Variants in SHANK2 observed in about 807,000 individuals in gnomAD.
SHANK2 encodes the protein SH3 and multiple ankyrin repeat domains 2.
In SHANK2, 43 loss-of-function variants were observed where a neutral mutation model predicts 133.7. The observed-to-expected ratio is 0.32, with a 90% CI of 0.25 to 0.41. SHANK2 has a LOEUF of 0.41. Ranked by LOEUF, SHANK2 falls within the 10% of genes least tolerant of loss-of-function variation. The pLI is 1.00. For missense variants in SHANK2, 1,994 were observed against 2,235.8 expected (o/e 0.89, Z 2.18); for synonymous variants, 1,017 against 952.8 (o/e 1.07, Z -1.24).
At chr11:70,902,650 C>T (rs928244125) in intron 10 of SHANK2, among the ~76,000 whole-genome samples, 24 of 151,416 alleles carry the variant, frequency 1.6e-4, no homozygotes, top group Non-Finnish European at 3.1e-4. Context: ...GTGATGAGGG[C>T]ACCACAGGAT....
chr11:70,587,990 A>G (rs2060276336), intron 17 of SHANK2, among the ~76,000 whole-genome samples: 1 of 152,176 alleles, frequency 6.6e-6, no homozygotes, highest in Admixed American at 6.5e-5. Context: ...GATATCTGTC[A>G]TGGTGATCTG....
chr11:70,921,795 A>G (rs1950355307), intron 10 of SHANK2, among the ~76,000 whole-genome samples: 1 of 152,244 alleles, frequency 6.6e-6, no homozygotes, highest in Admixed American at 6.5e-5. Context: ...TCTGCCTGAC[A>G]GAAGAAATGA....
chr11:71,111,416 T>C (rs1408878248), intron 5 of SHANK2, among the ~76,000 whole-genome samples: 3 of 152,182 alleles, frequency 2.0e-5, no homozygotes, highest in Non-Finnish European at 4.4e-5. Context: ...GGTCCGCAGA[T>C]CAACCTGATG....
At chr11:70,660,279 C>A (rs1000106063) in intron 16 of SHANK2, among the ~76,000 whole-genome samples, 1 of 152,202 alleles carries the variant, frequency 6.6e-6, no homozygotes, top group African/African-American at 2.4e-5. Context: ...ATTTTCGGTT[C>A]TAAAAATGGA....
intron 21 of SHANK2, among the ~76,000 whole-genome samples, chr11:70,494,448 C>T (rs1591500336): frequency 6.6e-6 from 1 of 152,180 alleles, no homozygotes; most frequent in Non-Finnish European, 1.5e-5. Flanking sequence ...CGAGCACCAC[C>T]ATGCCCGGCT....
intron 17 of SHANK2, chr11:70,635,037 C>T (rs1261898303): frequency 6.6e-6 from 1 of 152,174 alleles, no homozygotes; most frequent in Non-Finnish European, 1.5e-5. Context: ...TGGCCACGAT[C>T]CTAAAACAGA....
intron 14 of SHANK2, among the ~76,000 whole-genome samples, chr11:70,773,289 T>C (rs897342711): frequency 6.6e-6 from 1 of 152,164 alleles, no homozygotes; most frequent in East Asian, 1.9e-4. Flanking sequence ...TTTGAGATGA[T>C]GAGGCCGTTC....
intron 1 of SHANK2, among the ~76,000 whole-genome samples, chr11:71,231,565 C>T (rs1205799069): frequency 1.3e-5 from 2 of 152,190 alleles, no homozygotes; most frequent in Non-Finnish European, 2.9e-5. Flanking sequence ...AAACCACACT[C>T]CTAGGCATTC....
chr11:71,083,842 G>C (rs1392104389), intron 8 of SHANK2, among the ~76,000 whole-genome samples: 7 of 152,206 alleles, frequency 4.6e-5, no homozygotes, highest in African/African-American at 1.7e-4. Flanking sequence ...TCCTTGGGTT[G>C]TGGGAATGCA....
chr11:70,889,822 G>A (rs1262065590), intron 11 of SHANK2, among the ~76,000 whole-genome samples: 1 of 152,194 alleles, frequency 6.6e-6, no homozygotes, highest in Non-Finnish European at 1.5e-5. Flanking sequence ...AGCTGTCTTA[G>A]GGGCGGATGC....
At chr11:70,762,803 G>A (rs1171285957) in intron 14 of SHANK2, among the ~76,000 whole-genome samples, 3 of 152,232 alleles carry the variant, frequency 2.0e-5, no homozygotes, top group Non-Finnish European at 2.9e-5. Flanking sequence ...CCTCTACAGC[G>A]GCCACCTGAA....
At chr11:71,200,511 CACGTTTAACTTCACTCT>C (rs1250247464) in intron 2 of SHANK2, among the ~76,000 whole-genome samples, 1 of 152,096 alleles carries the variant, frequency 6.6e-6, no homozygotes, top group Non-Finnish European at 1.5e-5. Context: ...GTGCTAACTC[CACGTTTAACTTCACTCT>C]ACATTTGACT....
chr11:70,605,433 G>T (rs1449219631), intron 17 of SHANK2, among the ~76,000 whole-genome samples: 4 of 152,232 alleles, frequency 2.6e-5, no homozygotes, highest in African/African-American at 9.6e-5. Flanking sequence ...GACCACTCAT[G>T]TTTAGGCTGG....
chr11:70,897,493 G>T (rs994439798), intron 10 of SHANK2, among the ~76,000 whole-genome samples: 1 of 152,226 alleles, frequency 6.6e-6, no homozygotes, highest in African/African-American at 2.4e-5. Flanking sequence ...ACTCCTGCCT[G>T]AGTTTCCAGC....
At chr11:70,521,702 G>A (rs1412537121) in intron 17 of SHANK2, among the ~76,000 whole-genome samples, 1 of 152,200 alleles carries the variant, frequency 6.6e-6, no homozygotes, top group Non-Finnish European at 1.5e-5. Flanking sequence ...GTGGGTGAGT[G>A]TGCACGTGTG....
chr11:71,229,765 G>GAA (rs55730780), intron 1 of SHANK2, among the ~76,000 whole-genome samples: 7 of 116,536 alleles, frequency 6.0e-5, no homozygotes, highest in Non-Finnish European at 1.3e-4. Context: ...TCTCAAAAAA[G>GAA]AAAAAAAAAA....
chr11:70,922,166 C>T (rs186932670), intron 10 of SHANK2, among the ~76,000 whole-genome samples: 10 of 152,132 alleles, frequency 6.6e-5, no homozygotes, highest in African/African-American at 9.6e-5. Flanking sequence ...GGCTTAAGAT[C>T]GGATTACATG....
Position 70,599,500 on chromosome 11 carries a change from G to A in SHANK2, c.2061+60328C>T, listed in dbSNP as rs1297628626. ...CGGGCGCCTGTAGTCCCAGCTACTC[G>A]GGAGGCTGAGGCAGGAGAATGGCGT... On this transcript the variant is annotated intron_variant, in intron 17 of 25. Transcript: ENST00000601538. 4.6e-5 allele frequency among the ~76,000 whole-genome samples: 6 copies of A among 131,616 alleles called. 1 individual carries two copies. The highest frequency in any genetic ancestry group is 1.1e-4 in the African/African-American group (4 of 36,816). The allele number at this position is 131,616 out of a possible 152,430, so 86.3% of individuals were successfully genotyped here. A position where few individuals can be genotyped will look rare whatever the true frequency, so the allele number is the denominator to read the frequency against.
intron 17 of SHANK2, among the ~76,000 whole-genome samples, chr11:70,611,651 A>G (rs1307708716): frequency 6.6e-6 from 1 of 152,222 alleles, no homozygotes; most frequent in Admixed American, 6.5e-5. Flanking sequence ...CATGATTTCA[A>G]AAAGGCTAAG....
Sources: allele counts gnomAD v4.1 joint callset (sites outside exome capture counted in the v4.1 genomes callset), GRCh38; gene constraint gnomAD v4.1.1; transcripts MANE v1.5; gene names NCBI Gene and HGNC (gene_info 2026-07-23, HGNC 2026-07-21).